WDR17: variants seen among roughly 807,000 people sequenced by gnomAD.
The protein encoded by WDR17 is WD repeat-containing protein 17.
Under a neutral mutation model 161.7 loss-of-function variants are expected in WDR17, and 143 were observed. That is an observed-to-expected ratio of 0.88 (90% CI 0.77 to 1.02). The LOEUF (loss-of-function observed/expected upper bound fraction) is 1.02. Ranked by LOEUF, WDR17 falls within the 50% of genes least tolerant of loss-of-function variation. The pLI is 0.00. For synonymous variants in WDR17, 517 were observed against 515.6 expected (o/e 1.00, Z -0.04); for missense variants, 1,469 against 1,520.9 (o/e 0.97, Z 0.57).
intron 12 of WDR17, among the ~76,000 whole-genome samples, chr4:176,146,432 T>G (rs1359992003): frequency 6.6e-6 from 1 of 152,176 alleles, no homozygotes; most frequent in Non-Finnish European, 1.5e-5. Context: ...AAATCCAAAT[T>G]TAATAAGATA....
In WDR17 at chr4:176,148,222, C is replaced by T; in HGVS notation, c.1784C>T (p.Thr595Ile). 1 of 1,613,576 alleles carries T rather than the reference C, an allele frequency of 6.2e-7. No individual in the cohort carries two copies. Among genetic ancestry groups the T allele is most frequent in the Non-Finnish European group, 8.5e-7 (1 of 1,179,586 alleles). ...TAPVRGLMWN[T>I]EIPYLLISGS... ...CCTGTGAGAGGATTAATGTGGAATA[C>T]TGAGATTCCATATCTGCTCATATCT... Residue 595 changes from threonine (T) to isoleucine (I), a missense_variant, in exon 13 of 29, where the codon ACT (threonine) becomes ATT (isoleucine). Transcript: ENST00000508596.
At chr4:176,163,894 C>T (rs1433878021) in intron 22 of WDR17, among the ~76,000 whole-genome samples, 1 of 152,118 alleles carries the variant, frequency 6.6e-6, no homozygotes, top group Admixed American at 6.5e-5. Context: ...TATGGGATTC[C>T]GTCATTCCTT....
chr4:176,111,956 T>G lies in WDR17; in HGVS notation c.123+253T>G, dbSNP rs148936421. ...TCAGTTGAAGAATTTGGGTAGTCCA[T>G]TAGAGATCATTATAGTAAAATTAGG... On this transcript the variant is annotated intron_variant, in intron 2 of 28. Coordinates refer to ENST00000508596, the MANE Select transcript of WDR17 (RefSeq NM_181265.4). Among the ~76,000 whole-genome samples, 879 of 152,282 alleles carry G rather than the reference T, an allele frequency of 5.8e-3. 8 individuals carry two copies. Among genetic ancestry groups the G allele is most frequent in the African/African-American group, 0.02 (821 of 41,568 alleles).
At chr4:176,120,299 TA>T (rs1166156303) in intron 4 of WDR17, among the ~76,000 whole-genome samples, 2 of 76,108 alleles carry the variant, frequency 2.6e-5, no homozygotes, top group Non-Finnish European at 5.7e-5. Context: ...TATATATATA[TA>T]TATATATATA....
At chr4:176,163,413 G>A in intron 22 of WDR17, 120 bp downstream of exon 22, 1 of 1,133,734 alleles carries the variant, frequency 8.8e-7, no homozygotes. Flanking sequence ...GTTTATAAAG[G>A]ATAAGATTGT....
intron 4 of WDR17, 21 bp downstream of exon 4, chr4:176,120,118 G>T (rs1741308120): frequency 2.5e-6 from 4 of 1,576,680 alleles, no homozygotes; most frequent in Admixed American, 1.7e-5. Flanking sequence ...AATTAGCAAG[G>T]TATCTTAAAT....
chr4:176,181,899 A>G lies in WDR17; in HGVS notation c.*2320A>G, dbSNP rs1264680834. 2.0e-5 allele frequency: 3 copies of G among 152,116 alleles called. No homozygotes were observed. The highest frequency in any genetic ancestry group is 4.4e-5 in the Non-Finnish European group (3 of 67,980). The allele number at this position is 152,116 out of a possible 1,614,324, so 9.4% of individuals were successfully genotyped here. A position where few individuals can be genotyped will look rare whatever the true frequency, so the allele number is the denominator to read the frequency against. On this transcript the variant is annotated 3_prime_UTR_variant, in exon 29 of 29. Transcript: ENST00000508596. Reference sequence around the variant, plus strand: ...CACCCAATTTCTGTCTGAAATCTAAATTGGATGGATTTGACCATCATTCTA... The same window carrying G: ...CACCCAATTTCTGTCTGAAATCTAAGTTGGATGGATTTGACCATCATTCTA...
chr4:176,068,908 T>A (rs1257150121), intron 1 of WDR17, among the ~76,000 whole-genome samples: 2 of 152,192 alleles, frequency 1.3e-5, no homozygotes, highest in Admixed American at 6.5e-5. Flanking sequence ...TTTTTCTTAT[T>A]TGAGTTTACT....
At chr4:176,080,850 G>A (rs992163781) in intron 1 of WDR17, among the ~76,000 whole-genome samples, 2 of 151,812 alleles carry the variant, frequency 1.3e-5, no homozygotes, top group African/African-American at 2.4e-5. Context: ...TCAGACATTG[G>A]TGTTACTCAA....
chr4:176,156,242 C>T (rs1194984674), intron 18 of WDR17, 99 bp downstream of exon 18: 1 of 1,068,036 alleles, frequency 9.4e-7, no homozygotes, highest in Non-Finnish European at 1.3e-6. Flanking sequence ...ATTTCTTATT[C>T]TTATGTTGTC....
At position 176,181,084 on chromosome 4, in the gene WDR17, ACTT is replaced by A. The variant is rs1337174399; in HGVS notation, c.*1509_*1511del. The A allele has an allele frequency of 6.6e-6, 1 of 152,144 alleles. No individual in the cohort carries two copies. The highest frequency in any genetic ancestry group is 1.5e-5 in the Non-Finnish European group (1 of 68,042). The allele number at this position is 152,144 out of a possible 1,614,324, so 9.4% of individuals were successfully genotyped here. ...ATATTTTTAAAACCTTCTTAACAAA[ACTT>A]CTTAAAACTGGAAAAAATATATATT... On this transcript the variant is annotated 3_prime_UTR_variant, in exon 29 of 29. Coordinates refer to ENST00000508596, the MANE Select transcript of WDR17 (RefSeq NM_181265.4).
chr4:176,166,495 TAC>T (rs1010262410), intron 22 of WDR17, among the ~76,000 whole-genome samples: 1 of 152,184 alleles, frequency 6.6e-6, no homozygotes, highest in African/African-American at 2.4e-5. Flanking sequence ...TTTTTATATG[TAC>T]ATTTTTCCCC....
chr4:176,069,338 T>A lies in WDR17; in HGVS notation c.-7+3259T>A, dbSNP rs547158862. Among the ~76,000 whole-genome samples, 9 of 152,178 alleles carry A rather than the reference T, an allele frequency of 5.9e-5. No individual in the cohort carries two copies. The South Asian group carries it at 1.9e-3, about 32-fold the overall frequency. Reference sequence around the variant, plus strand: ...TTGTTCAGTAAGCTGTCTTATAAAATTCTGTAATTCTACATTCTAATTTAA... The same window carrying A: ...TTGTTCAGTAAGCTGTCTTATAAAAATCTGTAATTCTACATTCTAATTTAA... On this transcript the variant is annotated intron_variant, in intron 1 of 28. Transcript: ENST00000508596.
At chr4:176,079,266 A>G (rs968294461) in intron 1 of WDR17, among the ~76,000 whole-genome samples, 1 of 152,044 alleles carries the variant, frequency 6.6e-6, no homozygotes, top group South Asian at 2.1e-4. Flanking sequence ...TTATCCATTC[A>G]TCTGCTGATG....
intron 1 of WDR17, among the ~76,000 whole-genome samples, chr4:176,103,643 A>C (rs889219321): frequency 3.9e-5 from 6 of 152,134 alleles, no homozygotes; most frequent in Non-Finnish European, 7.4e-5. Flanking sequence ...AACAAGTAAA[A>C]TAGAAGAATT....
intron 1 of WDR17, among the ~76,000 whole-genome samples, chr4:176,085,380 T>A (rs978184682): frequency 6.6e-6 from 1 of 152,076 alleles, no homozygotes; most frequent in African/African-American, 2.4e-5. Context: ...CTCAAAGAGT[T>A]TATGTAACAT....
chr4:176,169,358 G>A (rs1013098990), intron 23 of WDR17, among the ~76,000 whole-genome samples: 3 of 152,008 alleles, frequency 2.0e-5, no homozygotes, highest in East Asian at 1.9e-4. Flanking sequence ...TTAAATTACA[G>A]TACTTTTCTA....
At chr4:176,130,553 G>T (rs540504077) in intron 6 of WDR17, among the ~76,000 whole-genome samples, 1 of 151,956 alleles carries the variant, frequency 6.6e-6, no homozygotes, top group Non-Finnish European at 1.5e-5. Context: ...GACCATCCTG[G>T]CTAACACAGT....
intron 5 of WDR17, among the ~76,000 whole-genome samples, chr4:176,127,688 G>T (rs1198703036): frequency 3.3e-5 from 5 of 152,084 alleles, no homozygotes; most frequent in Non-Finnish European, 5.9e-5. Context: ...GCAGTTCAGT[G>T]GTTTCTAGTA....
Sources: gnomAD v4.1 joint callset for allele counts (sites outside exome capture counted in the v4.1 genomes callset) on GRCh38, gnomAD v4.1.1 for gene constraint, MANE v1.5 for transcripts, NCBI Gene and HGNC (gene_info 2026-07-23, HGNC 2026-07-21) for gene names.